STRN: variants seen among roughly 807,000 people sequenced by gnomAD.
The protein encoded by STRN is protein phosphatase 2 regulatory subunit B'''alpha.
Under a neutral mutation model 96.3 loss-of-function variants are expected in STRN, and 53 were observed. That is an observed-to-expected ratio of 0.55 (90% CI 0.44 to 0.69). STRN has a LOEUF of 0.69. Among genes scored for constraint, STRN ranks in the 30% least tolerant of loss-of-function variants. The pLI is 0.00. For missense variants in STRN, 987 were observed against 963.9 expected (o/e 1.02, Z -0.32); for synonymous variants, 428 against 355.9 (o/e 1.20, Z -2.28).
intron 2 of STRN, among the ~76,000 whole-genome samples, chr2:36,921,806 C>T (rs774532442): frequency 2.6e-5 from 4 of 152,294 alleles, no homozygotes; most frequent in African/African-American, 4.8e-5. Context: ...CACCCCCACA[C>T]TGAGGTCAGG....
At chr2:36,925,294 A>C in intron 1 of STRN, 86 bp from the exon 2 acceptor site, 1 of 833,702 alleles carries the variant, frequency 1.2e-6, no homozygotes, top group Non-Finnish European at 2.0e-6. Context: ...GGAAGTTTGA[A>C]CAATTAGATG....
In STRN at chr2:36,843,211, C is replaced by T; in HGVS notation, c.*6245G>A. ...GATATAATACTCATTAGTATACCAGCATACAGAACACCAAACAATGGTGGA... is the reference window on the plus strand; with the variant it reads ...GATATAATACTCATTAGTATACCAGTATACAGAACACCAAACAATGGTGGA... On this transcript the variant is annotated 3_prime_UTR_variant, in exon 18 of 18. Coordinates refer to ENST00000263918, the MANE Select transcript of STRN (RefSeq NM_003162.4). Among the ~76,000 whole-genome samples, 1 of 152,102 alleles carries T rather than the reference C, an allele frequency of 6.6e-6. No homozygotes were observed. Among genetic ancestry groups the T allele is most frequent in the Non-Finnish European group, 1.5e-5 (1 of 68,014 alleles).
chr2:36,865,110 G>T (rs975565286), intron 12 of STRN, among the ~76,000 whole-genome samples: 14 of 152,162 alleles, frequency 9.2e-5, no homozygotes, highest in African/African-American at 3.1e-4. Context: ...ATCTCAACCT[G>T]GGCTTTTTCT....
intron 1 of STRN, among the ~76,000 whole-genome samples, chr2:36,935,085 A>C (rs1214978518): frequency 6.6e-6 from 1 of 152,176 alleles, no homozygotes; most frequent in African/African-American, 2.4e-5. Flanking sequence ...GGGCAAAGGA[A>C]GGAACGAAAC....
At chr2:36,905,397 A>T (rs1164488642) in intron 4 of STRN, 143 bp downstream of exon 4, 4 of 689,592 alleles carry the variant, frequency 5.8e-6, no homozygotes, top group Non-Finnish European at 9.9e-6. Context: ...AATATGAAAA[A>T]GGAACAGTAA....
At chr2:36,924,966 G>C in intron 2 of STRN, 139 bp downstream of exon 2, 3 of 645,658 alleles carry the variant, frequency 4.6e-6, no homozygotes, top group Non-Finnish European at 8.2e-6. Context: ...TGAGGCAGGA[G>C]AATTGCTTGA....
At chr2:36,854,380 A>C (rs17019982) in intron 15 of STRN, among the ~76,000 whole-genome samples, 1 of 152,124 alleles carries the variant, frequency 6.6e-6, no homozygotes, top group Non-Finnish European at 1.5e-5. Flanking sequence ...AGTTCTATTC[A>C]TGCTTACTTC....
chr2:36,923,294 CA>C (rs1186524917), intron 2 of STRN, among the ~76,000 whole-genome samples: 1 of 150,034 alleles, frequency 6.7e-6, no homozygotes, highest in African/African-American at 2.5e-5. Flanking sequence ...ACTAAAAATG[CA>C]AAAAAATTAG....
intron 4 of STRN, 126 bp downstream of exon 4, chr2:36,905,414 T>A: frequency 1.3e-6 from 1 of 797,372 alleles, no homozygotes; most frequent in Non-Finnish European, 2.1e-6. Context: ...GTAATTCAAT[T>A]AAGCTTTTTC....
In STRN at chr2:36,861,303, G is replaced by A. The variant is rs748897853; in HGVS notation, c.1548-50C>T. 2.5e-6 allele frequency: 4 copies of A among 1,587,686 alleles called. No homozygotes were observed. The African/African-American group carries it at 5.4e-5, about 22-fold the overall frequency. On this transcript the variant is annotated intron_variant, in intron 12 of 17. Transcript: ENST00000263918. ...AACTGCTATTCTCAAAAACCAACCT[G>A]ATAATATGACTTGTTAAAAATAAGA...
chr2:36,951,318 C>G (rs943433083), intron 1 of STRN, among the ~76,000 whole-genome samples: 1 of 152,202 alleles, frequency 6.6e-6, no homozygotes, highest in Non-Finnish European at 1.5e-5. Flanking sequence ...ATTATGAAGC[C>G]TGTGGCATCC....
At chr2:36,932,751 C>A (rs535241038) in intron 1 of STRN, among the ~76,000 whole-genome samples, 25 of 152,192 alleles carry the variant, frequency 1.6e-4, no homozygotes, top group Middle Eastern at 3.4e-3. Context: ...ATAGGAGATA[C>A]TGGTATATTC....
At chr2:36,871,118 A>G (rs1377969294) in intron 10 of STRN, among the ~76,000 whole-genome samples, 1 of 152,128 alleles carries the variant, frequency 6.6e-6, no homozygotes, top group African/African-American at 2.4e-5. Flanking sequence ...CAGTTTATAA[A>G]GTAAAGATTA....
chr2:36,924,941 A>G (rs1670370074), intron 2 of STRN, among the ~76,000 whole-genome samples, 164 bp downstream of exon 2: 1 of 152,226 alleles, frequency 6.6e-6, no homozygotes, highest in African/African-American at 2.4e-5. Flanking sequence ...CTATAATCCC[A>G]GCTACTGGGG....
chr2:36,858,024 C>A lies in STRN; in HGVS notation c.1670-1G>T. ...AGAGGGCCTCGTAAAACAGAAGGAT[C>A]TATACAAAACAGTAAAAATGCAAAA... is the stretch of plus-strand genomic sequence containing the variant. On this transcript the variant is annotated splice_acceptor_variant, in intron 13 of 17. Coordinates refer to ENST00000263918, the MANE Select transcript of STRN (RefSeq NM_003162.4). LOFTEE classifies it high-confidence loss of function. 1 of 1,566,620 alleles carries A rather than the reference C, an allele frequency of 6.4e-7. No individual in the cohort carries two copies. The highest frequency in any genetic ancestry group is 2.3e-5 in the East Asian group (1 of 43,816).
chr2:36,890,023 C>T (rs1669346243), intron 7 of STRN, among the ~76,000 whole-genome samples: 1 of 152,160 alleles, frequency 6.6e-6, no homozygotes, highest in Non-Finnish European at 1.5e-5. Flanking sequence ...CGGAGAAAAA[C>T]CAATCTCCGG....
intron 6 of STRN, among the ~76,000 whole-genome samples, chr2:36,899,175 T>G (rs1669618967): frequency 6.6e-6 from 1 of 152,218 alleles, no homozygotes; most frequent in Non-Finnish European, 1.5e-5. Context: ...TGATGCTAGC[T>G]GCCATCAGGC....
Position 36,966,468 on chromosome 2 carries a change from G to A in STRN, c.-5C>T, listed in dbSNP as rs1665168540. 4 of 1,446,284 alleles carry A rather than the reference G, an allele frequency of 2.8e-6. No homozygotes were observed. In the African/African-American group the frequency reaches 6.0e-5, roughly 22 times the overall value. 89.6% of individuals were successfully genotyped at this position (1,446,284 alleles called of 1,614,324 possible). A position where few individuals can be genotyped will look rare whatever the true frequency, so the allele number is the denominator to read the frequency against. On this transcript the variant is annotated 5_prime_UTR_variant, in exon 1 of 18. Transcript: ENST00000263918. ...GGGACCCGCCTGCTCGTCCATGGCGGCCGCAGATACCCGGGGAGCTGCCCC... is the reference window on the plus strand; with the variant it reads ...GGGACCCGCCTGCTCGTCCATGGCGACCGCAGATACCCGGGGAGCTGCCCC...
At chr2:36,859,910 A>G (rs992654735) in intron 13 of STRN, among the ~76,000 whole-genome samples, 4 of 152,240 alleles carry the variant, frequency 2.6e-5, no homozygotes, top group African/African-American at 9.6e-5. Context: ...TTGTAGCCAG[A>G]AGCCAGAATG....
Sources: gnomAD v4.1 joint callset for allele counts (sites outside exome capture counted in the v4.1 genomes callset) on GRCh38, gnomAD v4.1.1 for gene constraint, MANE v1.5 for transcripts, NCBI Gene and HGNC (gene_info 2026-07-23, HGNC 2026-07-21) for gene names.